PKHD1L1: variants seen among roughly 807,000 people sequenced by gnomAD.
PKHD1L1 encodes PKHD1 like 1, also known as fibrocystin-L.
PKHD1L1 carries 434 observed loss-of-function variants against 462.9 expected under a neutral mutation model. That is an observed-to-expected ratio of 0.94 (90% confidence interval 0.87 to 1.02). The LOEUF (loss-of-function observed/expected upper bound fraction) is 1.02, where lower values mean the gene tolerates loss of function less well. PKHD1L1 is among the 50% of genes least tolerant of loss of function. PKHD1L1 has a pLI of 0.00. For missense variants in PKHD1L1, 5,202 were observed against 5,096.1 expected (o/e 1.02, Z -0.63); for synonymous variants, 1,781 against 1,750.0 (o/e 1.02, Z -0.44).
intron 68 of PKHD1L1, among the ~76,000 whole-genome samples, chr8:109,504,703 C>G (rs1042071183): frequency 2.0e-5 from 3 of 152,116 alleles, no homozygotes; most frequent in Non-Finnish European, 4.4e-5. Flanking sequence ...TATATGTTTT[C>G]TCCCATTGCT....
In PKHD1L1 at chr8:109,404,556, A is replaced by G; in HGVS notation, c.1376A>G (p.Tyr459Cys). 1 of 1,534,104 alleles carries G rather than the reference A, an allele frequency of 6.5e-7. No individual in the cohort carries two copies. The highest frequency in any genetic ancestry group is 8.8e-7 in the Non-Finnish European group (1 of 1,138,156). ...DDIHLQKGKE[Y>C]YIEILLQEYR... ...TCATTAGTTACTCTATTTTCCAGAT[A>G]CTATATTGAAATCTTGCTGCAGGAG... The change falls in exon 15 of 78, where the codon TAC becomes TGC. Residue 459 changes from tyrosine to cysteine, a missense_variant and splice_region_variant. Tyr to Cys is a radical substitution (Grantham distance 194). This residue lies in a region of PKHD1L1 where 4,497 missense variants were observed against 4,336.8 expected (regional missense o/e 1.04). Transcript: ENST00000378402.
chr8:109,475,316 C>T (rs1468351995), intron 51 of PKHD1L1, 47 bp downstream of exon 51: 5 of 1,405,638 alleles, frequency 3.6e-6, no homozygotes, highest in Non-Finnish European at 3.9e-6. Flanking sequence ...ATTACCCAAA[C>T]ACAGCCTACA....
intron 48 of PKHD1L1, 126 bp from the exon 49 acceptor site, chr8:109,464,090 A>G: frequency 1.6e-6 from 1 of 622,858 alleles, no homozygotes; most frequent in Non-Finnish European, 2.2e-6. Context: ...CAAATAATAA[A>G]CATGAAAAAT....
Position 109,530,149 on chromosome 8 carries a change from G to C in PKHD1L1, c.*59G>C. On this transcript the variant is annotated 3_prime_UTR_variant, in exon 78 of 78. Coordinates refer to ENST00000378402, the MANE Select transcript of PKHD1L1 (RefSeq NM_177531.6). ...TATAAGAATTATTAGCTACTTTGTT[G>C]GGCAATAGGCAAAAGTCTATAGCAT... 18 of 1,094,782 alleles carry C rather than the reference G, an allele frequency of 1.6e-5. No individual in the cohort carries two copies. Among genetic ancestry groups the C allele is most frequent in the Non-Finnish European group, 2.2e-5 (18 of 818,778 alleles). 67.8% of individuals were successfully genotyped at this position (1,094,782 alleles called of 1,614,324 possible). A position where few individuals can be genotyped will look rare whatever the true frequency, so the allele number is the denominator to read the frequency against.
intron 27 of PKHD1L1, among the ~76,000 whole-genome samples, chr8:109,430,599 T>C (rs1293328734): frequency 1.3e-5 from 2 of 152,190 alleles, no homozygotes; most frequent in Non-Finnish European, 2.9e-5. Flanking sequence ...TTATGCTTTG[T>C]GTCTGAGCAA....
At chr8:109,442,924 G>T (rs763561072) in intron 35 of PKHD1L1, 22 bp from the exon 36 acceptor site, 16 of 1,605,456 alleles carry the variant, frequency 1.0e-5, no homozygotes, top group Non-Finnish European at 1.3e-5. Flanking sequence ...TATTTATTAC[G>T]TACAATCTCA....
intron 41 of PKHD1L1, 27 bp from the exon 42 acceptor site, chr8:109,452,097 A>T: frequency 6.3e-7 from 1 of 1,591,504 alleles, no homozygotes; most frequent in Non-Finnish European, 8.6e-7. Flanking sequence ...AAAAACATAC[A>T]TGTTATGTTT....
At chr8:109,411,454 GAACTTTTCAACTTCAT>G (rs1342238341) in intron 19 of PKHD1L1, among the ~76,000 whole-genome samples, 1 of 152,090 alleles carries the variant, frequency 6.6e-6, no homozygotes, top group African/African-American at 2.4e-5. Context: ...TTTAATAGAT[GAACTTTTCAACTTCAT>G]TTAATAAGCA....
At chr8:109,527,525 GTAAA>G (rs979025322) in intron 77 of PKHD1L1, among the ~76,000 whole-genome samples, 4 of 152,106 alleles carry the variant, frequency 2.6e-5, no homozygotes, top group South Asian at 4.2e-4. Context: ...AAATACGTAT[GTAAA>G]TAAATAAATA....
At chr8:109,451,207 C>T in intron 41 of PKHD1L1, 58 bp downstream of exon 41, 2 of 1,491,186 alleles carry the variant, frequency 1.3e-6, no homozygotes, top group South Asian at 1.3e-5. Flanking sequence ...GCCATTACTC[C>T]TGCTTTCTCC....
Position 109,522,751 on chromosome 8 carries a change from C to A in PKHD1L1, c.12191C>A (p.Ala4064Asp). Residue 4064 changes from alanine to aspartate, a missense_variant, in exon 75 of 78, where the codon GCC becomes GAC. This residue lies in a region of PKHD1L1 where 698 missense variants were observed against 736.3 expected (regional missense o/e 0.95). Transcript: ENST00000378402. ...TCCCTTGTGCATTCACAGGTGACTG[C>A]CCAGCCAGTTGAAAGGTCTGCATTT... Reference protein sequence around the residue: ...PSDSGWIKVTAQPVERSAFPV... With the variant: ...PSDSGWIKVTDQPVERSAFPV... 6.2e-7 allele frequency: 1 copy of A among 1,608,636 alleles called. No individual in the cohort carries two copies. The highest frequency in any genetic ancestry group is 1.1e-5 in the South Asian group (1 of 90,208).
Position 109,428,146 on chromosome 8 carries a change from TTAG to T in PKHD1L1, c.3000+996_3000+998del, listed in dbSNP as rs368302842. ...TAGGACAACCTTTTGGGAAGATAAC[TTAG>T]TAGTATCTTAATACAGAGACCTTAT... On this transcript the variant is annotated intron_variant, in intron 25 of 77. Coordinates refer to ENST00000378402, the MANE Select transcript of PKHD1L1 (RefSeq NM_177531.6). Among the ~76,000 whole-genome samples, 204 of 152,092 alleles carry T rather than the reference TTAG, an allele frequency of 1.3e-3. 1 individual carries two copies. Among genetic ancestry groups the T allele is most frequent in the African/African-American group, 4.6e-3 (192 of 41,522 alleles).
chr8:109,494,656 A>G (rs1819001336), intron 63 of PKHD1L1, among the ~76,000 whole-genome samples: 1 of 152,032 alleles, frequency 6.6e-6, no homozygotes, highest in South Asian at 2.1e-4. Flanking sequence ...TATTTTAGGT[A>G]TAATACCTAT....
chr8:109,518,585 G>T, intron 73 of PKHD1L1, 77 bp downstream of exon 73: 2 of 1,256,898 alleles, frequency 1.6e-6, no homozygotes, highest in Non-Finnish European at 2.2e-6. Context: ...TCAGGGCTTG[G>T]TGAGCCTGGC....
intron 59 of PKHD1L1, among the ~76,000 whole-genome samples, chr8:109,487,944 A>AAGGAAG (rs1563600685): frequency 1.7e-3 from 63 of 36,816 alleles, no homozygotes; most frequent in South Asian, 3.4e-3. Flanking sequence ...AAGGAAGGAA[A>AAGGAAG]GAAGGAAGGA....
In PKHD1L1 at chr8:109,474,459, T is replaced by C. The variant is rs773302089; in HGVS notation, c.8606-659T>C. Among the ~76,000 whole-genome samples the C allele has an allele frequency of 3.3e-4, 50 of 152,274 alleles. 1 individual carries two copies. Among genetic ancestry groups the C allele is most frequent in the South Asian group, 1.9e-3 (9 of 4,824 alleles). ...TTTTTCCTGTAACAGGTAGTTCAGG[T>C]TCAAGGTTTGTATTCCTAAAATGTA... is the stretch of plus-strand genomic sequence containing the variant. On this transcript the variant is annotated intron_variant, in intron 50 of 77. Coordinates refer to ENST00000378402, the MANE Select transcript of PKHD1L1 (RefSeq NM_177531.6).
Position 109,405,037 on chromosome 8 carries a change from G to A in PKHD1L1, c.1576G>A (p.Glu526Lys). Residue 526 changes from glutamate to lysine, a missense_variant, in exon 16 of 78, where the codon GAG becomes AAG. This residue lies in a region of PKHD1L1 where 4,497 missense variants were observed against 4,336.8 expected (regional missense o/e 1.04). Coordinates refer to ENST00000378402, the MANE Select transcript of PKHD1L1 (RefSeq NM_177531.6). The part of the protein sequence containing the change: ...ENWETTNAIN[E>K]VQKIKVTSPC... ...CTGGGAAACAACTAATGCAATTAAT[G>A]AGGTTCAGAAGATCAAGGTAACCAG... The A allele has an allele frequency of 6.5e-7, 1 of 1,531,242 alleles. No individual in the cohort carries two copies. Among genetic ancestry groups the A allele is most frequent in the South Asian group, 1.2e-5 (1 of 81,512 alleles). The allele number at this position is 1,531,242 out of a possible 1,614,324, so 94.9% of individuals were successfully genotyped here. A position where few individuals can be genotyped will look rare whatever the true frequency, so the allele number is the denominator to read the frequency against.
chr8:109,381,572 T>C (rs1812117499), intron 3 of PKHD1L1, 58 bp downstream of exon 3: 1 of 1,259,398 alleles, frequency 7.9e-7, no homozygotes, highest in Non-Finnish European at 1.1e-6. Context: ...GTTACAGTTA[T>C]GAATATTAGT....
chr8:109,510,643 G>T, intron 70 of PKHD1L1, 134 bp from the exon 71 acceptor site: 1 of 1,153,018 alleles, frequency 8.7e-7, no homozygotes, highest in Non-Finnish European at 1.2e-6. Flanking sequence ...CGGTGGATGG[G>T]TAATAGGTAT....
Sources: allele counts gnomAD v4.1 joint callset (sites outside exome capture counted in the v4.1 genomes callset), GRCh38; gene constraint gnomAD v4.1.1; regional missense constraint gnomAD v4.1.1; transcripts MANE v1.5; gene names NCBI Gene and HGNC (gene_info 2026-07-23, HGNC 2026-07-21).